The following ZNF484 variants were observed in gnomAD, a reference collection of about 807,000 sequenced individuals.
ZNF484 encodes KRAB box containing C2H2 type zinc finger bA526D8.4.
ZNF484 carries 11 observed loss-of-function variants against 12.9 expected under a neutral mutation model. The observed-to-expected ratio is 0.85, with a 90% confidence interval of 0.54 to 1.41. ZNF484 has a LOEUF of 1.41. Among genes scored for constraint, ZNF484 ranks in the 40% most tolerant of loss-of-function variants. ZNF484 has a pLI of 0.00. For missense variants in ZNF484, 807 were observed against 1,007.7 expected (o/e 0.80, Z 2.70); for synonymous variants, 289 against 334.1 (o/e 0.86, Z 1.47).
Position 92,845,465 on chromosome 9 carries a change from C to T in ZNF484, c.*763G>A, listed in dbSNP as rs565448076. 11 of 152,224 alleles carry T rather than the reference C, an allele frequency of 7.2e-5. No individual in the cohort carries two copies. Among genetic ancestry groups the T allele is most frequent in the South Asian group, 2.1e-4 (1 of 4,830 alleles). 9.4% of individuals were successfully genotyped at this position (152,224 alleles called of 1,614,324 possible). A position where few individuals can be genotyped will look rare whatever the true frequency, so the allele number is the denominator to read the frequency against. On this transcript the variant is annotated 3_prime_UTR_variant, in exon 5 of 5. Transcript: ENST00000375495. This position sits in a 1 kb window ranked among gnomAD's most constrained non-coding sequence, Gnocchi z 4.0. ...TGTCTCATGGTAATCTAGCAAGTAA[C>T]GAACATGTAGAGAATGTACTAACAA...
chr9:92,869,823 A>C (rs532551333), intron 2 of ZNF484, among the ~76,000 whole-genome samples: 1 of 152,376 alleles, frequency 6.6e-6, no homozygotes, highest in East Asian at 1.9e-4. Context: ...GAAGAGGAAT[A>C]GAGCAGATGA....
chr9:92,847,692 G>C lies in ZNF484; in HGVS notation c.1095C>G (p.Leu365=), dbSNP rs777176051. Reference sequence around the variant, plus strand: ...GTATATTAAGGTTTGAATTCTGAGGGAGGTTTTTCTCACATTCACTGTACT... The same window carrying C: ...GTATATTAAGGTTTGAATTCTGAGGCAGGTTTTTCTCACATTCACTGTACT... ...PYEYSECEKN[L]PQNSNLNIHK... The change falls in exon 5 of 5, where the codon CTC becomes CTG. Residue 365 remains leucine, a synonymous_variant. Coordinates refer to ENST00000375495, the MANE Select transcript of ZNF484 (RefSeq NM_031486.4). The C allele has an allele frequency of 3.7e-6, 6 of 1,613,360 alleles. No individual in the cohort carries two copies. The South Asian group carries it at 6.6e-5, about 18-fold the overall frequency.
chr9:92,866,190 C>T (rs902515756), intron 2 of ZNF484, among the ~76,000 whole-genome samples: 1 of 152,112 alleles, frequency 6.6e-6, no homozygotes, highest in African/African-American at 2.4e-5. Context: ...TCACTATGTA[C>T]TTATTTTCTT....
In ZNF484 at chr9:92,847,141, T is replaced by A. The variant is rs988077650; in HGVS notation, c.1646A>T (p.Glu549Val). The change falls in exon 5 of 5, where the codon GAG becomes GTG. Residue 549 changes from glutamate (E) to valine (V), a missense_variant. Coordinates refer to ENST00000375495, the MANE Select transcript of ZNF484 (RefSeq NM_031486.4). ...LRIHQKCHTG[E>V]RHYECSECGK... ...ACATTCACTGCATTCATAATGTCTC[T>A]CTCCAGTATGACACTTCTGATGTAT... The A allele has an allele frequency of 6.2e-7, 1 of 1,614,126 alleles. No homozygotes were observed. Among genetic ancestry groups the A allele is most frequent in the African/African-American group, 1.3e-5 (1 of 75,044 alleles).
At chr9:92,849,956 C>G (rs956254794) in intron 4 of ZNF484, among the ~76,000 whole-genome samples, 8 of 152,168 alleles carry the variant, frequency 5.3e-5, no homozygotes, top group Admixed American at 5.2e-4. Flanking sequence ...CATATGCCAC[C>G]ACAACTGGCT....
chr9:92,852,121 T>C (rs1256892771), intron 4 of ZNF484, among the ~76,000 whole-genome samples: 1 of 152,218 alleles, frequency 6.6e-6, no homozygotes, highest in Non-Finnish European at 1.5e-5. Flanking sequence ...TTCACTATTT[T>C]CTACAGAAAC....
intron 2 of ZNF484, among the ~76,000 whole-genome samples, chr9:92,873,733 T>A (rs1857601661): frequency 6.6e-6 from 1 of 152,040 alleles, no homozygotes; most frequent in Admixed American, 6.6e-5. Flanking sequence ...ACACAAACTA[T>A]ACACAATCTC....
chr9:92,856,823 G>A (rs988338081), intron 2 of ZNF484, among the ~76,000 whole-genome samples: 26 of 152,266 alleles, frequency 1.7e-4, no homozygotes, highest in African/African-American at 5.8e-4. Flanking sequence ...CTGGGTTCAC[G>A]CCATTCTCCT....
chr9:92,868,699 A>G (rs6479434), intron 2 of ZNF484, among the ~76,000 whole-genome samples: 62,880 of 151,666 alleles, frequency 0.41, 13,988 homozygotes, highest in African/African-American at 0.57. Context: ...AGAGAGAGCG[A>G]ATGGGAGGTA....
chr9:92,874,310 CTTT>C (rs34348573), intron 2 of ZNF484, among the ~76,000 whole-genome samples: 42,169 of 137,082 alleles, frequency 0.31, 6,700 homozygotes, highest in African/African-American at 0.47. Flanking sequence ...TTCTTTCTTT[CTTT>C]TTTTTTTTTT....
intron 2 of ZNF484, among the ~76,000 whole-genome samples, chr9:92,869,598 T>C (rs956132346): frequency 1.3e-5 from 2 of 152,126 alleles, no homozygotes; most frequent in Admixed American, 1.3e-4. Flanking sequence ...CCATATTAGA[T>C]GGAGGGTACA....
At chr9:92,849,800 CTTT>C (rs770649998) in intron 4 of ZNF484, among the ~76,000 whole-genome samples, 3 of 144,676 alleles carry the variant, frequency 2.1e-5, no homozygotes, top group Admixed American at 6.9e-5. Flanking sequence ...CTCTCTCTCT[CTTT>C]TTTTTTTTTC....
intron 4 of ZNF484, among the ~76,000 whole-genome samples, chr9:92,851,419 T>C (rs1282570436): frequency 6.6e-6 from 1 of 152,242 alleles, no homozygotes; most frequent in East Asian, 1.9e-4. Flanking sequence ...AAAGTTTTTA[T>C]TGGAACACAG....
At chr9:92,873,472 T>C (rs186253859) in intron 2 of ZNF484, among the ~76,000 whole-genome samples, 8 of 152,244 alleles carry the variant, frequency 5.3e-5, no homozygotes, top group Admixed American at 3.3e-4. Flanking sequence ...CAATATTAAA[T>C]AGACAATGTG....
At position 92,847,770 on chromosome 9, in the gene ZNF484, C is replaced by G. The variant is rs1471991315; in HGVS notation, c.1017G>C (p.Gln339His). 2 of 1,613,830 alleles carry G rather than the reference C, an allele frequency of 1.2e-6. No homozygotes were observed. The highest frequency in any genetic ancestry group is 1.7e-6 in the Non-Finnish European group (2 of 1,180,050). Residue 339 changes from glutamine (Q) to histidine (H), a missense_variant, in exon 5 of 5, where the codon CAG becomes CAC. Physicochemically the swap from Gln to His is conservative, Grantham distance 24. Transcript: ENST00000375495. Reference protein sequence around the residue: ...KCSDYGRAFIQKSDLFRCQRI... With the variant: ...KCSDYGRAFIHKSDLFRCQRI... Reference sequence around the variant, plus strand: ...TCTGGCATCTGAACAGATCTGACTTCTGGATAAAGGCTCTTCCATAGTCAC... The same window carrying G: ...TCTGGCATCTGAACAGATCTGACTTGTGGATAAAGGCTCTTCCATAGTCAC...
intron 2 of ZNF484, among the ~76,000 whole-genome samples, chr9:92,864,338 C>T (rs956512186): frequency 6.6e-6 from 1 of 152,086 alleles, no homozygotes. Flanking sequence ...CACCATGCTG[C>T]TGGCCTGGAA....
chr9:92,849,750 C>A (rs1485874803), intron 4 of ZNF484, among the ~76,000 whole-genome samples: 3 of 151,694 alleles, frequency 2.0e-5, no homozygotes, highest in Non-Finnish European at 4.4e-5. Context: ...CTGATCGCAC[C>A]ATTACACTCC....
intron 4 of ZNF484, among the ~76,000 whole-genome samples, chr9:92,853,517 T>C (rs1271675201): frequency 6.6e-6 from 1 of 152,216 alleles, no homozygotes; most frequent in Non-Finnish European, 1.5e-5. Context: ...AGAGTAAAAG[T>C]TGTTCCCATG....
intron 2 of ZNF484, among the ~76,000 whole-genome samples, chr9:92,872,771 T>TA (rs56991443): frequency 0.38 from 57,210 of 148,610 alleles, 11,237 homozygotes; most frequent in African/African-American, 0.48. Flanking sequence ...TATAGAACTG[T>TA]AAAAAAAAAA....
Sources: allele counts gnomAD v4.1 joint callset (sites outside exome capture counted in the v4.1 genomes callset), GRCh38; gene constraint gnomAD v4.1.1; non-coding constraint Gnocchi (gnomAD v3.1); transcripts MANE v1.5; gene names NCBI Gene and HGNC (gene_info 2026-07-23, HGNC 2026-07-21).